PPP6R2: variants seen among roughly 807,000 people sequenced by gnomAD.
PPP6R2 encodes the protein protein phosphatase 6 regulatory subunit 2.
Under a neutral mutation model 100.2 loss-of-function variants are expected in PPP6R2, and 62 were observed. That is an observed-to-expected ratio of 0.62 (90% confidence interval 0.50 to 0.76). PPP6R2 has a LOEUF of 0.76. Ranked by LOEUF, PPP6R2 falls within the 30% of genes least tolerant of loss-of-function variation. PPP6R2 has a pLI of 0.00. For synonymous variants in PPP6R2, 525 were observed against 514.7 expected (o/e 1.02, Z -0.27); for missense variants, 1,142 against 1,276.3 (o/e 0.89, Z 1.60).
chr22:50,418,980 G>A lies in PPP6R2; in HGVS notation c.731+1G>A. 6.2e-7 allele frequency: 1 copy of A among 1,609,200 alleles called. No individual in the cohort carries two copies. The highest frequency in any genetic ancestry group is 8.5e-7 in the Non-Finnish European group (1 of 1,175,710). On this transcript the variant is annotated splice_donor_variant, in intron 7 of 23. Transcript: ENST00000612753. LOFTEE classifies it high-confidence loss of function. ...ACCCGCTCCTCACAGCGCTGGAGTC[G>A]TGAGTGCTGGTGGGCCGTGGTGCTG...
Position 50,401,307 on chromosome 22 carries a change from C to T in PPP6R2, c.228-5382C>T, listed in dbSNP as rs573177114. ...ACTGCAACCTTCACCTCCGGGTTCA[C>T]GCCATTCTCCTGCCTCAGCCTCCCG... is the stretch of plus-strand genomic sequence containing the variant. On this transcript the variant is annotated intron_variant, in intron 3 of 23. Transcript: ENST00000612753. Among the ~76,000 whole-genome samples, 435 of 149,592 alleles carry T rather than the reference C, an allele frequency of 2.9e-3. 1 individual carries two copies. The highest frequency in any genetic ancestry group is 3.7e-3 in the Admixed American group (55 of 14,920).
rs997795695 is a variant in PPP6R2 at position 50,431,117 on chromosome 22, G to A, written c.1126-56G>A. On this transcript the variant is annotated intron_variant, in intron 10 of 23. Transcript: ENST00000612753. The surrounding 1 kb of genome is among the most constrained non-coding windows in gnomAD (Gnocchi z 4.8). ...GAAGGGTTTCCCTCAGCTTTGTGGT[G>A]TAGCCGGCAGGAGAAAACCGATCTA... The A allele has an allele frequency of 7.0e-6, 10 of 1,425,402 alleles. No homozygotes were observed. Among genetic ancestry groups the A allele is most frequent in the Admixed American group, 5.2e-5 (3 of 58,134 alleles). The allele number at this position is 1,425,402 out of a possible 1,614,324, so 88.3% of individuals were successfully genotyped here.
In PPP6R2 at chr22:50,399,786, T is replaced by A. The variant is rs181724889; in HGVS notation, c.227+5651T>A. On this transcript the variant is annotated intron_variant, in intron 3 of 23. Coordinates refer to ENST00000612753, the MANE Select transcript of PPP6R2 (RefSeq NM_001242898.2). Reference sequence around the variant, plus strand: ...GCAGCCCTTGGCTGAAAAGCCACTGTGACTGTAAGATGGCTGGTCACCTTC... The same window carrying A: ...GCAGCCCTTGGCTGAAAAGCCACTGAGACTGTAAGATGGCTGGTCACCTTC... 2.0e-5 allele frequency among the ~76,000 whole-genome samples: 3 copies of A among 152,360 alleles called. No individual in the cohort carries two copies. In the East Asian group the frequency reaches 5.8e-4, roughly 29 times the overall value.
intron 2 of PPP6R2, among the ~76,000 whole-genome samples, chr22:50,380,986 CAAAAAAA>C (rs375160457): frequency 1.1e-5 from 1 of 87,906 alleles, no homozygotes; most frequent in Non-Finnish European, 2.2e-5. Context: ...GACTCCATCT[CAAAAAAA>C]AAAAAAAAAA....
intron 3 of PPP6R2, among the ~76,000 whole-genome samples, chr22:50,403,038 C>T (rs138362485): frequency 6.6e-6 from 1 of 152,258 alleles, no homozygotes; most frequent in East Asian, 1.9e-4. Context: ...CATGGTAAAA[C>T]CCCGTCTCTA....
At chr22:50,384,665 G>A (rs2053840795) in intron 2 of PPP6R2, among the ~76,000 whole-genome samples, 1 of 152,242 alleles carries the variant, frequency 6.6e-6, no homozygotes, top group African/African-American at 2.4e-5. Flanking sequence ...CACTGTGGTG[G>A]CCCAAGGTGG....
intron 1 of PPP6R2, among the ~76,000 whole-genome samples, chr22:50,357,119 A>G (rs1301974562): frequency 2.6e-5 from 4 of 152,154 alleles, no homozygotes; most frequent in Non-Finnish European, 5.9e-5. Flanking sequence ...TGTCTGATGA[A>G]TTATGATGGT....
At chr22:50,353,921 A>G (rs1035487965) in intron 1 of PPP6R2, among the ~76,000 whole-genome samples, 4 of 152,106 alleles carry the variant, frequency 2.6e-5, no homozygotes, top group Non-Finnish European at 5.9e-5. Context: ...GAAAATTAAA[A>G]GAATACATTT....
In PPP6R2 at chr22:50,391,159, C is replaced by T. The variant is rs377188950; in HGVS notation, c.-16-2734C>T. 8.6e-5 allele frequency among the ~76,000 whole-genome samples: 13 copies of T among 151,462 alleles called. No homozygotes were observed. In the East Asian group the frequency reaches 1.8e-3, roughly 21 times the overall value. ...ATAAAAAATTTAAACATAGTCCAGG[C>T]GCGGTGGCTCACACCTGTAATCCCA... On this transcript the variant is annotated intron_variant, in intron 2 of 23. Coordinates refer to ENST00000612753, the MANE Select transcript of PPP6R2 (RefSeq NM_001242898.2).
At chr22:50,387,149 C>T (rs1303711849) in intron 2 of PPP6R2, among the ~76,000 whole-genome samples, 1 of 152,176 alleles carries the variant, frequency 6.6e-6, no homozygotes, top group Non-Finnish European at 1.5e-5. Context: ...CAGCCTCAAC[C>T]TCCTGGGCTC....
intron 4 of PPP6R2, among the ~76,000 whole-genome samples, chr22:50,409,591 C>T (rs1603281413): frequency 1.3e-5 from 2 of 152,156 alleles, no homozygotes; most frequent in Non-Finnish European, 2.9e-5. Flanking sequence ...CCACGCCCAA[C>T]TAATTTTTGT....
chr22:50,399,049 C>T (rs1324254975), intron 3 of PPP6R2, among the ~76,000 whole-genome samples: 1 of 152,152 alleles, frequency 6.6e-6, no homozygotes, highest in African/African-American at 2.4e-5. Flanking sequence ...AGATGGAGAC[C>T]ATCCTGACTA....
At chr22:50,406,301 GAGAGGCCTGGAGAGAGGT>G (rs2058947609) in intron 3 of PPP6R2, among the ~76,000 whole-genome samples, 1 of 141,480 alleles carries the variant, frequency 7.1e-6, no homozygotes, top group East Asian at 2.2e-4. Flanking sequence ...GGAGAGAGGT[GAGAGGCCTGGAGAGAGGT>G]GAGAGGCCTG....
intron 3 of PPP6R2, among the ~76,000 whole-genome samples, chr22:50,398,381 C>G (rs781293595): frequency 6.6e-6 from 1 of 151,492 alleles, no homozygotes; most frequent in African/African-American, 2.4e-5. Flanking sequence ...CCATGTTGGC[C>G]AGGCTGGTCT....
intron 1 of PPP6R2, among the ~76,000 whole-genome samples, chr22:50,346,887 C>G (rs1031272473): frequency 4.0e-5 from 6 of 151,148 alleles, no homozygotes; most frequent in Non-Finnish European, 8.9e-5. Flanking sequence ...CCTGCACCCC[C>G]ACCCGTACCC....
rs538549815 is a variant in PPP6R2 at position 50,384,541 on chromosome 22, C to T, written c.-16-9352C>T. Among the ~76,000 whole-genome samples, 75 of 152,094 alleles carry T rather than the reference C, an allele frequency of 4.9e-4. 1 individual carries two copies. The highest frequency in any genetic ancestry group is 9.9e-4 in the Non-Finnish European group (67 of 68,020). ...CTGCACTCCAGTCTGGGCGACAGAG[C>T]GAGACTCCGTCTCAAAAAAAGAAAA... On this transcript the variant is annotated intron_variant, in intron 2 of 23. Transcript: ENST00000612753.
At chr22:50,336,516 C>CCA in the PPP6R2 span, among the ~76,000 whole-genome samples, 2 of 152,082 alleles carry the variant, frequency 1.3e-5, no homozygotes, top group African/African-American at 4.8e-5. Context: ...GCTGGGACTA[C>CCA]AGTCGTGCAT....
At chr22:50,352,128 A>G (rs2045430201) in intron 1 of PPP6R2, among the ~76,000 whole-genome samples, 1 of 149,580 alleles carries the variant, frequency 6.7e-6, no homozygotes. Context: ...TTTAGTAGAG[A>G]CGGGGTTTCA....
Position 50,444,025 on chromosome 22 carries a change from T to A in PPP6R2, c.2739T>A (p.Ser913=). 1 of 1,613,486 alleles carries A rather than the reference T, an allele frequency of 6.2e-7. No individual in the cohort carries two copies. Among genetic ancestry groups the A allele is most frequent in the Non-Finnish European group, 8.5e-7 (1 of 1,179,956 alleles). ...CCATACCCACCCCAGCAGTCTCTTC[T>A]GCACTGGCCGTGGCGGTCCCCCTAG... ...GPAIPTPAVS[S]ALAVAVPLGP... Residue 913 remains serine, a synonymous_variant, in exon 23 of 24, where the codon TCT becomes TCA. Transcript: ENST00000612753.
Sources: allele counts gnomAD v4.1 joint callset (sites outside exome capture counted in the v4.1 genomes callset), GRCh38; gene constraint gnomAD v4.1.1; non-coding constraint Gnocchi (gnomAD v3.1); transcripts MANE v1.5; gene names NCBI Gene and HGNC (gene_info 2026-07-23, HGNC 2026-07-21).